PARD6G: variants seen among roughly 807,000 people sequenced by gnomAD.
The protein encoded by PARD6G is par-6 family cell polarity regulator gamma.
A neutral mutation model predicts 10.7 loss-of-function variants in PARD6G; 7 were observed. The observed-to-expected ratio is 0.66, with a 90% CI of 0.37 to 1.23. The LOEUF (loss-of-function observed/expected upper bound fraction) is 1.23, where lower values mean the gene tolerates loss of function less well. PARD6G is among the 50% of genes most tolerant of loss of function. The pLI is 0.02. For missense variants in PARD6G, 548 were observed against 571.8 expected, an observed-to-expected ratio of 0.96 and a Z score of 0.42; for synonymous variants, 287 against 269.4, an observed-to-expected ratio of 1.07 and a Z score of -0.64.
rs577786354 is a variant in PARD6G at position 80,159,922 on chromosome 18, T to G, written c.980A>C (p.Asn327Thr). 4.6e-6 allele frequency: 7 copies of G among 1,508,034 alleles called. No homozygotes were observed. Among genetic ancestry groups the G allele is most frequent in the Non-Finnish European group, 6.2e-6 (7 of 1,136,112 alleles). 93.4% of individuals were successfully genotyped at this position (1,508,034 alleles called of 1,614,324 possible). The change falls in exon 3 of 3, where the codon AAT (asparagine) becomes ACT (threonine). Residue 327 changes from asparagine (N) to threonine (T), a missense_variant. By Grantham distance (65) the Asn-to-Thr change is moderately conservative. This residue lies in a region of PARD6G where 313 missense variants were observed against 279.9 expected (regional missense o/e 1.12). Transcript: ENST00000353265. Reference sequence around the variant, plus strand: ...CAGCCGCTGCGCCAGGCCCGCGCCATTGACCCGGGAGAGGCTGCCTGCGGG... The same window carrying G: ...CAGCCGCTGCGCCAGGCCCGCGCCAGTGACCCGGGAGAGGCTGCCTGCGGG... The part of the protein sequence containing the change: ...GAPAGSLSRV[N>T]GAGLAQRLQR...
intron 1 of PARD6G, among the ~76,000 whole-genome samples, chr18:80,216,338 T>A (rs1967165893): frequency 6.6e-6 from 1 of 152,066 alleles, no homozygotes; most frequent in South Asian, 2.1e-4. Flanking sequence ...CAAGTACACA[T>A]GAAACATTCT....
rs1261579578 is a variant in PARD6G at position 80,168,388 on chromosome 18, T to G, written c.296-7782A>C. On this transcript the variant is annotated intron_variant, in intron 2 of 2. Transcript: ENST00000353265. The stretch of plus-strand genomic sequence containing the variant: ...AAATTTGTTTTAAAGAATACCCCAT[T>G]TCTAAAATTCCAACTTTGATTTCTA... 3.3e-5 allele frequency among the ~76,000 whole-genome samples: 5 copies of G among 152,258 alleles called. No homozygotes were observed. In the East Asian group the frequency reaches 7.7e-4, roughly 23 times the overall value.
rs950795017 is a variant in PARD6G at position 80,231,762 on chromosome 18, G to A, written c.72+15515C>T. 1.3e-5 allele frequency among the ~76,000 whole-genome samples: 2 copies of A among 152,146 alleles called. No homozygotes were observed. Among genetic ancestry groups the A allele is most frequent in the South Asian group, 2.1e-4 (1 of 4,832 alleles). On this transcript the variant is annotated intron_variant, in intron 1 of 2. Transcript: ENST00000353265. This position sits in a 1 kb window ranked among gnomAD's most constrained non-coding sequence, Gnocchi z 4.2. ...TTCACTCGCTCAACTTGCTCACCAA[G>A]CTGTTTGTTCTCCCCCAGGCCTAGA... is the stretch of plus-strand genomic sequence containing the variant.
intron 2 of PARD6G, among the ~76,000 whole-genome samples, chr18:80,195,743 C>T (rs1207523055): frequency 1.3e-5 from 2 of 150,692 alleles, no homozygotes; most frequent in African/African-American, 4.9e-5. Flanking sequence ...GGCGTGGTGG[C>T]GCGTGCCTGT....
intron 1 of PARD6G, among the ~76,000 whole-genome samples, chr18:80,220,577 G>C (rs976174414): frequency 1.3e-5 from 2 of 151,884 alleles, no homozygotes; most frequent in African/African-American, 4.8e-5. Context: ...ACTGGGTATG[G>C]TGTATATGGG....
At chr18:80,214,779 G>A (rs1352298039) in intron 1 of PARD6G, among the ~76,000 whole-genome samples, 1 of 152,088 alleles carries the variant, frequency 6.6e-6, no homozygotes, top group Non-Finnish European at 1.5e-5. Flanking sequence ...AAAAAAGGCA[G>A]AAAGGCTATT....
chr18:80,168,151 C>T (rs1274735937), intron 2 of PARD6G, among the ~76,000 whole-genome samples: 2 of 152,196 alleles, frequency 1.3e-5, no homozygotes, highest in African/African-American at 2.4e-5. Flanking sequence ...ACCACCCCGC[C>T]TGCTTCCAGT....
intron 1 of PARD6G, among the ~76,000 whole-genome samples, chr18:80,225,960 T>C (rs1438246244): frequency 6.6e-6 from 1 of 152,090 alleles, no homozygotes; most frequent in Admixed American, 6.5e-5. Context: ...AGAAAACCAC[T>C]GTAATGTGTA....
At chr18:80,212,999 T>G (rs907954464) in intron 1 of PARD6G, among the ~76,000 whole-genome samples, 1 of 152,198 alleles carries the variant, frequency 6.6e-6, no homozygotes, top group African/African-American at 2.4e-5. Context: ...TTTGGTGATG[T>G]TTTTGTGACG....
At chr18:80,187,513 AT>A (rs1036762136) in intron 2 of PARD6G, among the ~76,000 whole-genome samples, 4 of 152,074 alleles carry the variant, frequency 2.6e-5, no homozygotes, top group African/African-American at 9.7e-5. Flanking sequence ...TTCCGGTTAG[AT>A]TTAGTTGTGA....
rs1260909783 is a variant in PARD6G at position 80,183,074 on chromosome 18, AG to A, written c.295+19635del. 1.4e-6 allele frequency: 1 copy of A among 702,708 alleles called. No homozygotes were observed. The highest frequency in any genetic ancestry group is 2.0e-5 in the Admixed American group (1 of 50,006). The allele number at this position is 702,708 out of a possible 1,614,324, so 43.5% of individuals were successfully genotyped here. On this transcript the variant is annotated intron_variant, in intron 2 of 2. Transcript: ENST00000353265. The surrounding 1 kb of genome is among the most constrained non-coding windows in gnomAD (Gnocchi z 4.5). Reference sequence around the variant, plus strand: ...TTCTCTACCATGGCATGCCGACAACAGGGGCACAGAGAAGTCCCCCTTTCAA... The same window carrying A: ...TTCTCTACCATGGCATGCCGACAACAGGGCACAGAGAAGTCCCCCTTTCAA...
rs1967563192 is a variant in PARD6G, at chr18:80,247,202, TC to T, written c.72+74del. On this transcript the variant is annotated intron_variant, in intron 1 of 2. Transcript: ENST00000353265. This position sits in a 1 kb window ranked among gnomAD's most constrained non-coding sequence, Gnocchi z 4.2. ...GCCTGTCGCCTCCACGCCGCCCCAG[TC>T]CCCCTCCGCGGGGCGCCCCATTCAT... 2.4e-6 allele frequency: 3 copies of T among 1,235,584 alleles called. No homozygotes were observed. The highest frequency in any genetic ancestry group is 3.4e-6 in the Non-Finnish European group (3 of 891,312). The allele number at this position is 1,235,584 out of a possible 1,614,324, so 76.5% of individuals were successfully genotyped here.
At position 80,221,858 on chromosome 18, in the gene PARD6G, C is replaced by T. The variant is rs371717940; in HGVS notation, c.73-18926G>A. ...ATGAATTCAGCATGATTTTAGTATA[C>T]AATATCCACATACAAAAATAAACTG... On this transcript the variant is annotated intron_variant, in intron 1 of 2. Transcript: ENST00000353265. Among the ~76,000 whole-genome samples, 23 of 152,210 alleles carry T rather than the reference C, an allele frequency of 1.5e-4. No homozygotes were observed. In the South Asian group the frequency reaches 4.8e-3, roughly 32 times the overall value.
Position 80,181,885 on chromosome 18 carries a change from C to G in PARD6G, c.295+20825G>C, listed in dbSNP as rs543502491. 2.0e-5 allele frequency among the ~76,000 whole-genome samples: 3 copies of G among 152,314 alleles called. No homozygotes were observed. The highest frequency in any genetic ancestry group is 6.5e-5 in the Admixed American group (1 of 15,302). ...GGTAGACCTGTCCCTGGGAGGGAAG[C>G]AGCCCAGCCCCGCTGATAGAACCTG... On this transcript the variant is annotated intron_variant, in intron 2 of 2. Coordinates refer to ENST00000353265, the MANE Select transcript of PARD6G (RefSeq NM_032510.4). The surrounding 1 kb of genome is among the most constrained non-coding windows in gnomAD (Gnocchi z 7.9).
Position 80,188,460 on chromosome 18 carries a change from G to A in PARD6G, c.295+14250C>T, listed in dbSNP as rs543665489. ...ATGGTGCCTTCCACCTGCAATTCCCGTCCTGGGCAGCAGAAGTTGCCCTGC... is the reference window on the plus strand; with the variant it reads ...ATGGTGCCTTCCACCTGCAATTCCCATCCTGGGCAGCAGAAGTTGCCCTGC... On this transcript the variant is annotated intron_variant, in intron 2 of 2. Transcript: ENST00000353265. The surrounding 1 kb of genome is among the most constrained non-coding windows in gnomAD (Gnocchi z 5.4). 1.6e-3 allele frequency among the ~76,000 whole-genome samples: 237 copies of A among 152,252 alleles called. No individual in the cohort carries two copies. The highest frequency in any genetic ancestry group is 2.4e-3 in the Non-Finnish European group (166 of 68,010).
intron 1 of PARD6G, among the ~76,000 whole-genome samples, chr18:80,236,161 T>C (rs1379966193): frequency 3.3e-5 from 5 of 152,196 alleles, no homozygotes; most frequent in East Asian, 1.9e-4. Context: ...CCACGATCAA[T>C]TGGGCTTCAT....
At chr18:80,207,917 G>A (rs933122884) in intron 1 of PARD6G, among the ~76,000 whole-genome samples, 1 of 152,120 alleles carries the variant, frequency 6.6e-6, no homozygotes, top group African/African-American at 2.4e-5. Context: ...AGAAATCAAA[G>A]AGAAAAAGAA....
intron 2 of PARD6G, among the ~76,000 whole-genome samples, chr18:80,191,377 T>A (rs1165844815): frequency 2.0e-5 from 3 of 152,180 alleles, no homozygotes; most frequent in African/African-American, 7.2e-5. Flanking sequence ...TTTCCTCTGC[T>A]CTGTATGGTT....
rs568107194 is a variant in PARD6G, at chr18:80,221,568, G to T, written c.73-18636C>A. 2.0e-5 allele frequency among the ~76,000 whole-genome samples: 3 copies of T among 152,226 alleles called. 1 individual carries two copies. The South Asian group carries it at 6.2e-4, about 32-fold the overall frequency. On this transcript the variant is annotated intron_variant, in intron 1 of 2. Coordinates refer to ENST00000353265, the MANE Select transcript of PARD6G (RefSeq NM_032510.4). Reference sequence around the variant, plus strand: ...AAGAGACTTCTTCATCCTACATAGAGAATATCTATGAAAACTCACCGCTAA... The same window carrying T: ...AAGAGACTTCTTCATCCTACATAGATAATATCTATGAAAACTCACCGCTAA...
Sources: gnomAD v4.1 joint callset for allele counts (sites outside exome capture counted in the v4.1 genomes callset) on GRCh38, gnomAD v4.1.1 for gene constraint, gnomAD v4.1.1 regional missense constraint, Gnocchi (gnomAD v3.1) non-coding constraint, MANE v1.5 for transcripts, NCBI Gene and HGNC (gene_info 2026-07-23, HGNC 2026-07-21) for gene names.